The following AS3MT variants were observed in gnomAD, a reference collection of about 807,000 sequenced individuals.
AS3MT encodes S-adenosyl-L-methionine:arsenic(III) methyltransferase.
A neutral mutation model predicts 45.3 loss-of-function variants in AS3MT; 47 were observed. The ratio of observed to expected loss-of-function variants is 1.04; its 90% confidence interval spans 0.82 to 1.32. The LOEUF (loss-of-function observed/expected upper bound fraction) is 1.32, where lower values mean the gene tolerates loss of function less well. Among genes scored for constraint, AS3MT ranks in the 40% most tolerant of loss-of-function variants. The probability of loss-of-function intolerance (pLI) is 0.00; values close to 1 mark genes in which losing one functional copy is unlikely to be tolerated. For missense variants in AS3MT, 396 were observed against 451.1 expected (o/e 0.88, Z 1.11); for synonymous variants, 141 against 152.8 (o/e 0.92, Z 0.57).
chr10:102,877,702 A>G (rs958619779), intron 7 of AS3MT, among the ~76,000 whole-genome samples: 6 of 148,750 alleles, frequency 4.0e-5, no homozygotes, highest in South Asian at 2.1e-4. Flanking sequence ...GTAAAACCCT[A>G]TCTCTTAAAA....
chr10:102,869,792 C>A lies in AS3MT; in HGVS notation c.2-13C>A, dbSNP rs756324575. On this transcript the variant is annotated splice_polypyrimidine_tract_variant and intron_variant, in intron 1 of 10. Coordinates refer to ENST00000369880, the MANE Select transcript of AS3MT (RefSeq NM_020682.4). The stretch of plus-strand genomic sequence containing the variant: ...CACCCTCTCCTTTCAACTAACTTTC[C>A]CGCTCCCGACAGTGGCTGCACTTCG... The A allele has an allele frequency of 1.2e-6, 2 of 1,614,192 alleles. No homozygotes were observed. The highest frequency in any genetic ancestry group is 4.5e-5 in the East Asian group (2 of 44,872).
At position 102,873,097 on chromosome 10, in the gene AS3MT, G is replaced by C; in HGVS notation, c.322G>C (p.Val108Leu). The C allele has an allele frequency of 6.4e-7, 1 of 1,573,030 alleles. No individual in the cohort carries two copies. The highest frequency in any genetic ancestry group is 1.2e-5 in the South Asian group (1 of 83,986). The change falls in exon 5 of 11, where the codon GTG (valine) becomes CTG (leucine). Residue 108 changes from valine to leucine, a missense_variant and splice_region_variant. Physicochemically the swap from Val to Leu is conservative, Grantham distance 32 (BLOSUM62 1). Transcript: ENST00000369880. ...VTGIDMTKGQ[V>L]EVAEKYLDYH... ...CAAAACTATATTTTTCTTACTTTAGGTGGAAGTGGCTGAAAAGTATCTTGA... is the reference window on the plus strand; with the variant it reads ...CAAAACTATATTTTTCTTACTTTAGCTGGAAGTGGCTGAAAAGTATCTTGA...
At position 102,901,879 on chromosome 10, in the gene AS3MT, A is replaced by G. The variant is rs1288508766; in HGVS notation, c.*1179A>G. The G allele has an allele frequency of 6.6e-6, 1 of 152,176 alleles. No individual in the cohort carries two copies. Among genetic ancestry groups the G allele is most frequent in the Non-Finnish European group, 1.5e-5 (1 of 68,038 alleles). The allele number at this position is 152,176 out of a possible 1,614,324, so 9.4% of individuals were successfully genotyped here. On this transcript the variant is annotated 3_prime_UTR_variant, in exon 11 of 11. Coordinates refer to ENST00000369880, the MANE Select transcript of AS3MT (RefSeq NM_020682.4). ...TCTTTTTTCTTTTTTTTTGCAATAA[A>G]GAAAACAAATTAATCATAAACATCT...
chr10:102,898,405 G>A (rs1425825094), intron 10 of AS3MT, among the ~76,000 whole-genome samples: 1 of 152,024 alleles, frequency 6.6e-6, no homozygotes, highest in Non-Finnish European at 1.5e-5. Flanking sequence ...ACAGCAGCCT[G>A]TCTAACATGG....
intron 1 of AS3MT, 76 bp downstream of exon 1, chr10:102,869,669 G>C (rs1844641866): frequency 1.3e-6 from 2 of 1,570,630 alleles, no homozygotes; most frequent in South Asian, 1.1e-5. Context: ...GAACGCGAGC[G>C]CCTCCCCCGA....
At chr10:102,879,101 T>TTG in intron 9 of AS3MT, 110 bp downstream of exon 9, 1 of 1,246,808 alleles carries the variant, frequency 8.0e-7, no homozygotes, top group Non-Finnish European at 1.1e-6. Context: ...GTTGGTTTGT[T>TTG]TGTGTGTGTG....
intron 10 of AS3MT, among the ~76,000 whole-genome samples, chr10:102,894,221 C>T (rs537995731): frequency 9.9e-5 from 15 of 151,820 alleles, no homozygotes; most frequent in African/African-American, 2.2e-4. Flanking sequence ...GTCAGGAGTT[C>T]GAGACCAGCC....
intron 9 of AS3MT, among the ~76,000 whole-genome samples, chr10:102,888,469 T>C (rs1056757969): frequency 5.9e-5 from 9 of 152,110 alleles, no homozygotes; most frequent in African/African-American, 2.2e-4. Flanking sequence ...TTGCCCAGGC[T>C]GGAGTGCAAT....
intron 9 of AS3MT, among the ~76,000 whole-genome samples, chr10:102,889,621 T>C (rs1267358062): frequency 4.6e-5 from 6 of 130,790 alleles, no homozygotes; most frequent in African/African-American, 1.6e-4. Context: ...CCTGCCTTCC[T>C]TCCTTCCTTC....
At chr10:102,891,086 G>A (rs766592400) in intron 10 of AS3MT, among the ~76,000 whole-genome samples, 2 of 152,084 alleles carry the variant, frequency 1.3e-5, no homozygotes, top group African/African-American at 2.4e-5. Context: ...CCAGTTAAAC[G>A]CCACCATTTT....
intron 9 of AS3MT, among the ~76,000 whole-genome samples, chr10:102,879,679 G>A (rs942419784): frequency 6.8e-6 from 1 of 147,520 alleles, no homozygotes; most frequent in South Asian, 2.1e-4. Flanking sequence ...TGAGGCAGGA[G>A]AATTGCATGA....
intron 10 of AS3MT, among the ~76,000 whole-genome samples, chr10:102,893,520 G>A (rs1197596328): frequency 7.1e-6 from 1 of 141,152 alleles, no homozygotes; most frequent in Admixed American, 7.3e-5. Flanking sequence ...TTCCGAGATG[G>A]AGTCTTGCTC....
At chr10:102,889,639 CCTTCCTTT>C (rs1324571493) in intron 9 of AS3MT, among the ~76,000 whole-genome samples, 1,481 of 140,396 alleles carry the variant, frequency 0.011, 28 homozygotes, top group East Asian at 0.057. Flanking sequence ...TTCCTTCCTT[CCTTCCTTT>C]CTTCCTTCCT....
chr10:102,882,303 C>T (rs2134118692), intron 9 of AS3MT, among the ~76,000 whole-genome samples: 1 of 152,226 alleles, frequency 6.6e-6, no homozygotes, highest in East Asian at 1.9e-4. Flanking sequence ...TCTCCCACCT[C>T]AGCCTCCCAA....
intron 6 of AS3MT, among the ~76,000 whole-genome samples, chr10:102,874,872 A>T (rs546054619): frequency 2.6e-5 from 4 of 152,220 alleles, no homozygotes; most frequent in Non-Finnish European, 5.9e-5. Context: ...CCGAGGTGAC[A>T]GTTGTCACTG....
Position 102,879,009 on chromosome 10 carries a change from C to T in AS3MT, c.885+18C>T. On this transcript the variant is annotated intron_variant, in intron 9 of 10. Coordinates refer to ENST00000369880, the MANE Select transcript of AS3MT (RefSeq NM_020682.4). ...CATTTAAGGTAAATAAAACAATTTC[C>T]ATGACTTCTGGTATTCTTTCTGCTC... The T allele has an allele frequency of 6.2e-7, 1 of 1,606,404 alleles. No homozygotes were observed. Among genetic ancestry groups the T allele is most frequent in the Non-Finnish European group, 8.5e-7 (1 of 1,175,948 alleles).
At chr10:102,876,766 GA>G (rs1404450572) in intron 6 of AS3MT, among the ~76,000 whole-genome samples, 187 bp from the exon 7 acceptor site, 3 of 151,864 alleles carry the variant, frequency 2.0e-5, no homozygotes, top group Non-Finnish European at 4.4e-5. Context: ...CCACTGGGAG[GA>G]AAAAAAACCT....
intron 10 of AS3MT, among the ~76,000 whole-genome samples, chr10:102,893,624 T>C (rs1468964385): frequency 6.6e-6 from 1 of 151,588 alleles, no homozygotes; most frequent in Non-Finnish European, 1.5e-5. Flanking sequence ...GCCTCCAGAG[T>C]AGATGGGACT....
rs1214265512 is a variant in AS3MT, at chr10:102,889,617, T to TGCC, written c.886-927_886-926insGCC. On this transcript the variant is annotated intron_variant, in intron 9 of 10. Transcript: ENST00000369880. ...CCCTTCCCCTGCCTGTCTGCCTGCCTTCCTTCCTTCCTTCCTTCCTTCCTT... is the reference window on the plus strand; with the variant it reads ...CCCTTCCCCTGCCTGTCTGCCTGCCTGCCTCCTTCCTTCCTTCCTTCCTTCCTT... 6.2e-3 allele frequency among the ~76,000 whole-genome samples: 790 copies of TGCC among 127,436 alleles called. 17 individuals carry two copies. The highest frequency in any genetic ancestry group is 0.015 in the African/African-American group (547 of 36,118). The allele number at this position is 127,436 out of a possible 152,430, so 83.6% of individuals were successfully genotyped here.
Sources: allele counts gnomAD v4.1 joint callset (sites outside exome capture counted in the v4.1 genomes callset), GRCh38; gene constraint gnomAD v4.1.1; transcripts MANE v1.5; gene names NCBI Gene and HGNC (gene_info 2026-07-23, HGNC 2026-07-21).